Variants in SECISBP2 observed in about 807,000 individuals in gnomAD.
SECISBP2 encodes SECIS binding protein 2.
SECISBP2 carries 96 observed loss-of-function variants against 98.2 expected under a neutral mutation model. That is an observed-to-expected ratio of 0.98 (90% confidence interval 0.83 to 1.16). The LOEUF (loss-of-function observed/expected upper bound fraction) is 1.16, where lower values mean the gene tolerates loss of function less well. Among genes scored for constraint, SECISBP2 ranks in the 50% most tolerant of loss-of-function variants. The probability of loss-of-function intolerance (pLI) is 0.00; values close to 1 mark genes in which losing one functional copy is unlikely to be tolerated. For synonymous variants in SECISBP2, 407 were observed against 370.2 expected, an observed-to-expected ratio of 1.10 and a Z score of -1.14; for missense variants, 1,046 against 1,022.9, an observed-to-expected ratio of 1.02 and a Z score of -0.31.
At chr9:89,333,489 C>G (rs936264222) in intron 6 of SECISBP2, among the ~76,000 whole-genome samples, 6 of 152,256 alleles carry the variant, frequency 3.9e-5, no homozygotes, top group African/African-American at 1.4e-4. Context: ...TTGCTTTCCA[C>G]TTGTGCAGCT....
intron 14 of SECISBP2, chr9:89,354,689 C>G (rs1021035179): frequency 4.9e-6 from 4 of 813,374 alleles, no homozygotes; most frequent in Non-Finnish European, 4.5e-6. Flanking sequence ...GTTCACAGAC[C>G]CCAACCAAGG....
intron 13 of SECISBP2, 25 bp downstream of exon 13, chr9:89,349,954 G>C: frequency 6.2e-7 from 1 of 1,613,854 alleles, no homozygotes; most frequent in Non-Finnish European, 8.5e-7. Flanking sequence ...GCCTGCCAGG[G>C]ACTAGGGGAA....
chr9:89,327,164 C>CAA (rs769384820), intron 4 of SECISBP2, among the ~76,000 whole-genome samples: 4 of 121,128 alleles, frequency 3.3e-5, no homozygotes, highest in Non-Finnish European at 5.4e-5. Flanking sequence ...ACTCCGTCTC[C>CAA]AAAAAAAAAA....
At chr9:89,352,357 T>G (rs905634046) in intron 14 of SECISBP2, among the ~76,000 whole-genome samples, 9 of 152,146 alleles carry the variant, frequency 5.9e-5, no homozygotes, top group African/African-American at 1.9e-4. Context: ...TAAGGTGTTG[T>G]TTATGGACTT....
At chr9:89,364,075 C>CT (rs1833191410), downstream of SECISBP2, 1 of 1,576,402 alleles carries the variant, frequency 6.3e-7, no homozygotes, top group East Asian at 2.3e-5. Flanking sequence ...GGACAACTTC[C>CT]AATTCAGTCC....
chr9:89,363,778 G>A, downstream of SECISBP2: 1 of 1,613,776 alleles, frequency 6.2e-7, no homozygotes, highest in Non-Finnish European at 8.5e-7. Flanking sequence ...TCGAAGTCTT[G>A]TTCCCTGCTG....
At position 89,357,990 on chromosome 9, in the gene SECISBP2, G is replaced by T; in HGVS notation, c.2269-9G>T. ...GGATGTTACCTGTGTGCTCTCACTT[G>T]TGCCCAAGGATCAGTTCCACAAGAT... On this transcript the variant is annotated splice_polypyrimidine_tract_variant and intron_variant, in intron 15 of 16. Transcript: ENST00000375807. 1 of 1,612,508 alleles carries T rather than the reference G, an allele frequency of 6.2e-7. No homozygotes were observed. Among genetic ancestry groups the T allele is most frequent in the Middle Eastern group, 2.0e-4 (1 of 5,094 alleles).
chr9:89,334,555 G>A lies in SECISBP2; in HGVS notation c.914G>A (p.Arg305Gln), dbSNP rs767088291. The A allele has an allele frequency of 5.0e-6, 8 of 1,614,088 alleles. No individual in the cohort carries two copies. The highest frequency in any genetic ancestry group is 3.3e-5 in the Admixed American group (2 of 60,018). Reference protein sequence around the residue: ...LSWTPMGYVVRQTLSTELSAA... With the variant: ...LSWTPMGYVVQQTLSTELSAA... ...TGGACACCAATGGGTTATGTTGTTC[G>A]ACAGACATTATCTACAGAACTGTCA... Residue 305 changes from arginine (R) to glutamine (Q), a missense_variant, in exon 7 of 17, where the codon CGA (arginine) becomes CAA (glutamine). Arg to Gln is a conservative substitution (Grantham distance 43, BLOSUM62 1). Transcript: ENST00000375807.
downstream of SECISBP2, chr9:89,362,498 T>TGTCTCATAGCCCATCCC: frequency 6.2e-7 from 1 of 1,613,696 alleles, no homozygotes; most frequent in Non-Finnish European, 8.5e-7. Context: ...CAGCCCAGTC[T>TGTCTCATAGCCCATCCC]GTCTCATAGC....
At chr9:89,338,668 G>A in intron 8 of SECISBP2, 88 bp downstream of exon 8, 1 of 1,358,532 alleles carries the variant, frequency 7.4e-7, no homozygotes, top group Non-Finnish European at 1.0e-6. Flanking sequence ...TTTCCTAAGT[G>A]AAAATCTCCA....
At chr9:89,334,101 G>A (rs934973820) in intron 6 of SECISBP2, 8 of 1,126,488 alleles carry the variant, frequency 7.1e-6, no homozygotes, top group Admixed American at 9.7e-5. Flanking sequence ...ACCAGTTATT[G>A]TGATAGCTGA....
chr9:89,353,175 A>G (rs1266007199), intron 14 of SECISBP2, among the ~76,000 whole-genome samples: 3 of 152,186 alleles, frequency 2.0e-5, no homozygotes, highest in African/African-American at 2.4e-5. Context: ...TTCTGCTTCA[A>G]GTAGGTCCAG....
At chr9:89,363,878 T>C (rs1303916379), downstream of SECISBP2, 1 of 1,614,144 alleles carries the variant, frequency 6.2e-7, no homozygotes, top group Non-Finnish European at 8.5e-7. Flanking sequence ...GGGCAGTGCA[T>C]GGGTCTGCAC....
chr9:89,343,320 C>CT (rs1027426812), intron 10 of SECISBP2, among the ~76,000 whole-genome samples: 15 of 151,532 alleles, frequency 9.9e-5, no homozygotes, highest in African/African-American at 1.7e-4. Flanking sequence ...AAAAACTCTA[C>CT]TTTTTTTTTA....
intron 2 of SECISBP2, chr9:89,323,933 G>A (rs941392799): frequency 6.6e-5 from 10 of 152,154 alleles, no homozygotes; most frequent in Admixed American, 2.0e-4. Context: ...CCCCAACCAA[G>A]GTCTCCTGAC....
intron 7 of SECISBP2, 76 bp from the exon 8 acceptor site, chr9:89,338,382 T>C: frequency 6.6e-7 from 1 of 1,519,524 alleles, no homozygotes. Flanking sequence ...ATATCTTAAT[T>C]TTGTTGATAC....
At chr9:89,363,744 G>T (rs771608568), downstream of SECISBP2, 20 of 1,612,174 alleles carry the variant, frequency 1.2e-5, no homozygotes, top group Non-Finnish European at 1.7e-5. Context: ...CACTTACCAG[G>T]TCTCATCACA....
At chr9:89,339,212 A>G (rs1031715273) in intron 8 of SECISBP2, among the ~76,000 whole-genome samples, 3 of 152,244 alleles carry the variant, frequency 2.0e-5, no homozygotes, top group African/African-American at 7.2e-5. Flanking sequence ...GGTGCTGCCC[A>G]GGTGCCCAGC....
At chr9:89,338,415 C>A in intron 7 of SECISBP2, 43 bp from the exon 8 acceptor site, 2 of 1,609,838 alleles carry the variant, frequency 1.2e-6, no homozygotes, top group African/African-American at 1.3e-5. Flanking sequence ...ATTCTATTGA[C>A]CGCCCTAAAA....
Sources: allele counts gnomAD v4.1 joint callset (sites outside exome capture counted in the v4.1 genomes callset), GRCh38; gene constraint gnomAD v4.1.1; transcripts MANE v1.5; gene names NCBI Gene and HGNC (gene_info 2026-07-23, HGNC 2026-07-21).